Variants in EXOC1 observed in about 807,000 individuals in gnomAD.
EXOC1 encodes the protein exocyst complex component 1.
In EXOC1, 67 loss-of-function variants were observed where a neutral mutation model predicts 107.7. The observed-to-expected ratio is 0.62, with a 90% CI of 0.51 to 0.76. The LOEUF is 0.76. EXOC1 is among the 30% of genes least tolerant of loss of function. The probability of loss-of-function intolerance (pLI) is 0.00; values close to 1 mark genes in which losing one functional copy is unlikely to be tolerated. For missense variants in EXOC1, 833 were observed against 1,055.7 expected (o/e 0.79, Z 2.92); for synonymous variants, 348 against 353.5 (o/e 0.98, Z 0.17).
chr4:55,873,402 A>G (rs1164488683), intron 8 of EXOC1, among the ~76,000 whole-genome samples: 1 of 152,136 alleles, frequency 6.6e-6, no homozygotes, highest in Non-Finnish European at 1.5e-5. Flanking sequence ...TTTGTTAGGT[A>G]CTTACTTCAA....
intron 2 of EXOC1, among the ~76,000 whole-genome samples, chr4:55,859,944 G>A (rs959844005): frequency 3.3e-5 from 5 of 152,192 alleles, no homozygotes; most frequent in African/African-American, 1.2e-4. Flanking sequence ...CTTAGGCCAG[G>A]AGCAGTGGCT....
At chr4:55,891,486 T>C in intron 13 of EXOC1, 64 bp downstream of exon 13, 2 of 1,076,886 alleles carry the variant, frequency 1.9e-6, no homozygotes, top group Non-Finnish European at 2.8e-6. Context: ...TTAATTAATA[T>C]GTGGTCACAA....
At chr4:55,874,300 A>G (rs1396774587) in intron 8 of EXOC1, among the ~76,000 whole-genome samples, 1 of 152,160 alleles carries the variant, frequency 6.6e-6, no homozygotes, top group Non-Finnish European at 1.5e-5. Flanking sequence ...CAAATTAGTA[A>G]AATTAAAAGA....
intron 9 of EXOC1, among the ~76,000 whole-genome samples, chr4:55,882,512 A>G (rs1354823824): frequency 6.6e-6 from 1 of 152,202 alleles, no homozygotes; most frequent in East Asian, 1.9e-4. Flanking sequence ...TTTAATTTAT[A>G]TTTGCTTTTA....
chr4:55,893,166 A>G (rs1278754987), intron 14 of EXOC1, among the ~76,000 whole-genome samples: 33 of 152,088 alleles, frequency 2.2e-4, no homozygotes. Context: ...CCCAGGCTGG[A>G]ATGCAATGGC....
chr4:55,871,514 G>A (rs1072799), intron 7 of EXOC1, among the ~76,000 whole-genome samples: 2 of 152,028 alleles, frequency 1.3e-5, no homozygotes, highest in Non-Finnish European at 2.9e-5. Context: ...TTGGTTAGAC[G>A]AGAGCAATTA....
chr4:55,873,113 G>C (rs1722592049), intron 8 of EXOC1, among the ~76,000 whole-genome samples: 1 of 151,734 alleles, frequency 6.6e-6, no homozygotes, highest in African/African-American at 2.4e-5. Flanking sequence ...ATTTAGTATT[G>C]CCAGGTGATT....
chr4:55,881,349 C>A (rs1723361668), intron 9 of EXOC1, among the ~76,000 whole-genome samples: 1 of 152,154 alleles, frequency 6.6e-6, no homozygotes, highest in African/African-American at 2.4e-5. Flanking sequence ...AGATGACTCA[C>A]ATGTCTTCTC....
rs559861851 is a variant in EXOC1, at chr4:55,882,301, C to T, written c.1225-1522C>T. On this transcript the variant is annotated intron_variant, in intron 9 of 18. Coordinates refer to ENST00000381295, the MANE Select transcript of EXOC1 (RefSeq NM_001024924.2). The stretch of plus-strand genomic sequence containing the variant: ...GACTACAGGCATGTGCCACCGCTCC[C>T]GGCTAATTTTGCATTTTCTGTAGAT... Among the ~76,000 whole-genome samples the T allele has an allele frequency of 5.3e-5, 8 of 152,100 alleles. No individual in the cohort carries two copies. The South Asian group carries it at 8.3e-4, about 16-fold the overall frequency.
In EXOC1 at chr4:55,899,700, A is replaced by G. The variant is rs1351210699; in HGVS notation, c.2153A>G (p.Asn718Ser). 6.2e-7 allele frequency: 1 copy of G among 1,611,020 alleles called. No homozygotes were observed. Among genetic ancestry groups the G allele is most frequent in the Admixed American group, 1.7e-5 (1 of 59,402 alleles). Reference protein sequence around the residue: ...GVFVNVEKVANESQKTPRDVV... With the variant: ...GVFVNVEKVASESQKTPRDVV... ...TTGGTTTTAGTGGAGAAAGTAGCAA[A>G]TGAAAGCCAGAAGACCCCCAGGGAT... The change falls in exon 17 of 19, where the codon AAT (asparagine) becomes AGT (serine). Residue 718 changes from asparagine (N) to serine (S), a missense_variant. Transcript: ENST00000381295.
intron 10 of EXOC1, among the ~76,000 whole-genome samples, chr4:55,886,291 A>G (rs1367703034): frequency 6.6e-5 from 10 of 152,050 alleles, no homozygotes; most frequent in Admixed American, 6.6e-4. Flanking sequence ...AGTGGCTCAC[A>G]CCTATAAACC....
At chr4:55,893,817 T>C (rs1724860418) in intron 15 of EXOC1, 37 bp downstream of exon 15, 3 of 1,499,016 alleles carry the variant, frequency 2.0e-6, no homozygotes, top group African/African-American at 2.8e-5. Flanking sequence ...CTTAGCATCC[T>C]AGTCATTGCA....
At chr4:55,891,681 G>A (rs866394135) in intron 13 of EXOC1, among the ~76,000 whole-genome samples, 12 of 152,074 alleles carry the variant, frequency 7.9e-5, no homozygotes, top group African/African-American at 2.9e-4. Flanking sequence ...AATTAGTGGG[G>A]GGAGGAATGT....
Position 55,896,737 on chromosome 4 carries a change from G to T in EXOC1, c.1974G>T (p.Met658Ile). 6.2e-7 allele frequency: 1 copy of T among 1,605,670 alleles called. No homozygotes were observed. Among genetic ancestry groups the T allele is most frequent in the Non-Finnish European group, 8.5e-7 (1 of 1,177,822 alleles). Residue 658 changes from methionine to isoleucine, a missense_variant, in exon 16 of 19, where the codon ATG becomes ATT. This residue lies in a region of EXOC1 where 216 missense variants were observed against 354.4 expected (regional missense o/e 0.61). Coordinates refer to ENST00000381295, the MANE Select transcript of EXOC1 (RefSeq NM_001024924.2). Reference protein sequence around the residue: ...DKCISNQIRQMEEVKISKKSK... With the variant: ...DKCISNQIRQIEEVKISKKSK... The stretch of plus-strand genomic sequence containing the variant: ...TTTAGAGTAACCAAATAAGGCAAAT[G>T]GAAGAAGTAAAGATCTCAAAAAAGA...
At chr4:55,900,960 C>G (rs542234931) in intron 17 of EXOC1, among the ~76,000 whole-genome samples, 6 of 152,254 alleles carry the variant, frequency 3.9e-5, no homozygotes, top group African/African-American at 9.6e-5. Flanking sequence ...AAATGCAGAA[C>G]TAATTCCTTA....
chr4:55,858,192 C>T (rs1197862988), intron 1 of EXOC1, 122 bp from the exon 2 acceptor site: 1 of 887,338 alleles, frequency 1.1e-6, no homozygotes, highest in African/African-American at 1.7e-5. Context: ...TAGGTGTATT[C>T]ATATATTAAA....
At chr4:55,878,979 A>C (rs1723142813) in intron 9 of EXOC1, among the ~76,000 whole-genome samples, 1 of 152,236 alleles carries the variant, frequency 6.6e-6, no homozygotes, top group South Asian at 2.1e-4. Context: ...GAATAGATAG[A>C]GAATATAAAC....
At chr4:55,890,011 C>T (rs574079841) in intron 11 of EXOC1, among the ~76,000 whole-genome samples, 123 of 152,150 alleles carry the variant, frequency 8.1e-4, no homozygotes, top group Middle Eastern at 3.4e-3. Flanking sequence ...TGTGTAGTTT[C>T]GCTTCTTTTT....
rs59255878 is a variant in EXOC1, at chr4:55,872,858, T to C, written c.1074+900T>C. ...GCTTCTCTGATTCTGTTTTTTTTTT[T>C]CTATAAAGTTTGCTAAACTTAACAG... On this transcript the variant is annotated intron_variant, in intron 8 of 18. Transcript: ENST00000381295. 1.3e-3 allele frequency: 971 copies of C among 764,300 alleles called. 3 individuals carry two copies. Among genetic ancestry groups the C allele is most frequent in the African/African-American group, 0.01 (534 of 52,740 alleles). 47.3% of individuals were successfully genotyped at this position (764,300 alleles called of 1,614,324 possible). A position where few individuals can be genotyped will look rare whatever the true frequency, so the allele number is the denominator to read the frequency against.
Sources: gnomAD v4.1 joint callset for allele counts (sites outside exome capture counted in the v4.1 genomes callset) on GRCh38, gnomAD v4.1.1 for gene constraint, gnomAD v4.1.1 regional missense constraint, MANE v1.5 for transcripts, NCBI Gene and HGNC (gene_info 2026-07-23, HGNC 2026-07-21) for gene names.